The following LRBA variants were observed in gnomAD, a reference collection of about 807,000 sequenced individuals.
The protein encoded by LRBA is lipopolysaccharide-responsive and beige-like anchor protein.
Under a neutral mutation model 330.0 loss-of-function variants are expected in LRBA, and 176 were observed. The ratio of observed to expected loss-of-function variants is 0.53; its 90% confidence interval spans 0.47 to 0.60. The LOEUF is 0.60. Ranked by LOEUF, LRBA falls within the 20% of genes least tolerant of loss-of-function variation. The pLI is 0.00. For missense variants in LRBA, 3,259 were observed against 3,444.8 expected (o/e 0.95, Z 1.35); for synonymous variants, 1,230 against 1,193.0 (o/e 1.03, Z -0.64).
At chr4:150,275,511 T>C (rs1476165274) in intron 56 of LRBA, among the ~76,000 whole-genome samples, 1 of 152,218 alleles carries the variant, frequency 6.6e-6, no homozygotes, top group Admixed American at 6.5e-5. Flanking sequence ...GCAGATGACA[T>C]GATTGTATAT....
intron 48 of LRBA, among the ~76,000 whole-genome samples, chr4:150,342,412 A>T (rs1314983650): frequency 4.6e-5 from 7 of 152,222 alleles, no homozygotes; most frequent in Non-Finnish European, 7.4e-5. Flanking sequence ...GATAAAGATA[A>T]GACTATATTC....
At chr4:150,501,775 C>A (rs1021736535) in intron 40 of LRBA, among the ~76,000 whole-genome samples, 1 of 151,998 alleles carries the variant, frequency 6.6e-6, no homozygotes, top group Admixed American at 6.6e-5. Flanking sequence ...AGTAACAGGG[C>A]CTGGATTTAT....
At chr4:150,289,641 T>A (rs1245291976) in intron 53 of LRBA, among the ~76,000 whole-genome samples, 1 of 152,192 alleles carries the variant, frequency 6.6e-6, no homozygotes, top group South Asian at 2.1e-4. Flanking sequence ...AGGAGAGATA[T>A]GTCATTTCCT....
intron 37 of LRBA, among the ~76,000 whole-genome samples, chr4:150,647,725 G>A (rs1179460618): frequency 1.3e-5 from 2 of 151,910 alleles, no homozygotes; most frequent in Non-Finnish European, 2.9e-5. Flanking sequence ...ACAACTCAAA[G>A]TTCCTTAAAG....
At chr4:150,289,883 T>C (rs1748625365) in intron 53 of LRBA, among the ~76,000 whole-genome samples, 1 of 152,236 alleles carries the variant, frequency 6.6e-6, no homozygotes, top group East Asian at 1.9e-4. Flanking sequence ...TTAAGTTCAA[T>C]GGACATTTTG....
chr4:150,800,090 C>A (rs1741382789), intron 33 of LRBA, among the ~76,000 whole-genome samples: 1 of 152,176 alleles, frequency 6.6e-6, no homozygotes, highest in South Asian at 2.1e-4. Flanking sequence ...ATACACATTT[C>A]TGTTTATTTA....
intron 47 of LRBA, among the ~76,000 whole-genome samples, chr4:150,408,394 T>C: frequency 6.6e-6 from 1 of 152,102 alleles, no homozygotes; most frequent in East Asian, 1.9e-4. Flanking sequence ...GATTTGGTAA[T>C]TTAAAATCTT....
intron 11 of LRBA, 87 bp from the exon 12 acceptor site, chr4:150,906,492 C>T (rs1044647415): frequency 1.5e-6 from 1 of 677,646 alleles, no homozygotes; most frequent in Non-Finnish European, 2.5e-6. Flanking sequence ...TTCCATTCAC[C>T]TTAATAAAAA....
chr4:150,895,691 C>T (rs1159922871), intron 16 of LRBA, among the ~76,000 whole-genome samples: 1 of 152,162 alleles, frequency 6.6e-6, no homozygotes, highest in Non-Finnish European at 1.5e-5. Context: ...CACTGTTGGA[C>T]ATTTGGGTTG....
intron 14 of LRBA, among the ~76,000 whole-genome samples, chr4:150,899,012 G>A (rs1411613531): frequency 1.3e-5 from 2 of 152,164 alleles, no homozygotes; most frequent in African/African-American, 4.8e-5. Flanking sequence ...CAATCAGAAT[G>A]TATGTTATTG....
intron 22 of LRBA, among the ~76,000 whole-genome samples, chr4:150,861,485 AAGGTAT>A (rs1751933533): frequency 6.6e-6 from 1 of 152,186 alleles, no homozygotes; most frequent in African/African-American, 2.4e-5. Context: ...AAACATAGAA[AAGGTAT>A]AGTAAAAATC....
chr4:150,495,385 A>C (rs1759471093), intron 40 of LRBA, among the ~76,000 whole-genome samples: 1 of 152,206 alleles, frequency 6.6e-6, no homozygotes, highest in Admixed American at 6.5e-5. Context: ...CTTAGAGAAG[A>C]AAAAACAGCA....
chr4:150,330,784 GT>G (rs201713366), intron 48 of LRBA, among the ~76,000 whole-genome samples: 26,369 of 151,938 alleles, frequency 0.17, 2,738 homozygotes, highest in East Asian at 0.26. Context: ...TACCATATAT[GT>G]GCAACAGGTG....
intron 32 of LRBA, among the ~76,000 whole-genome samples, chr4:150,807,992 T>G (rs1228636686): frequency 1.3e-5 from 2 of 152,166 alleles, no homozygotes; most frequent in Non-Finnish European, 2.9e-5. Context: ...ATTCCACACT[T>G]TCAATTTGCA....
intron 37 of LRBA, among the ~76,000 whole-genome samples, chr4:150,639,360 T>TAAAAAAAAAAAAAAAAAA (rs371245495): frequency 8.4e-5 from 9 of 106,634 alleles, no homozygotes; most frequent in Non-Finnish European, 1.6e-4. Flanking sequence ...TAAAGTATAA[T>TAAAAAAAAAAAAAAAAAA]AAAAAAAAAA....
At chr4:150,876,015 T>C (rs1753989975) in intron 17 of LRBA, among the ~76,000 whole-genome samples, 2 of 152,276 alleles carry the variant, frequency 1.3e-5, no homozygotes, top group South Asian at 2.1e-4. Flanking sequence ...TGAATGGGAT[T>C]AAACATCTTA....
At chr4:150,445,875 C>T (rs1220585835) in intron 44 of LRBA, among the ~76,000 whole-genome samples, 5 of 151,980 alleles carry the variant, frequency 3.3e-5, no homozygotes, top group African/African-American at 1.2e-4. Flanking sequence ...GAACTCCTGG[C>T]CTCAAACAAT....
At chr4:150,679,167 C>G (rs1412535178) in intron 37 of LRBA, among the ~76,000 whole-genome samples, 1 of 152,074 alleles carries the variant, frequency 6.6e-6, no homozygotes, top group Non-Finnish European at 1.5e-5. Context: ...AAAGGAGAAC[C>G]TGATTTAAAA....
intron 48 of LRBA, among the ~76,000 whole-genome samples, chr4:150,333,335 T>C (rs1360377631): frequency 6.6e-6 from 1 of 152,108 alleles, no homozygotes; most frequent in Non-Finnish European, 1.5e-5. Context: ...GATATTGTAT[T>C]TTATCACCTA....
Sources: gnomAD v4.1 joint callset for allele counts (sites outside exome capture counted in the v4.1 genomes callset) on GRCh38, gnomAD v4.1.1 for gene constraint, MANE v1.5 for transcripts, NCBI Gene and HGNC (gene_info 2026-07-23, HGNC 2026-07-21) for gene names.